The following SLC23A2 variants were observed in gnomAD, a reference collection of about 807,000 sequenced individuals.
SLC23A2 encodes solute carrier family 23 member 2.
SLC23A2 carries 36 observed loss-of-function variants against 73.3 expected under a neutral mutation model. The ratio of observed to expected loss-of-function variants is 0.49; its 90% CI spans 0.38 to 0.65. SLC23A2 has a LOEUF of 0.65. Ranked by LOEUF, SLC23A2 falls within the 30% of genes least tolerant of loss-of-function variation. The pLI, the probability that SLC23A2 is intolerant of heterozygous loss-of-function variation, is 0.00. For synonymous variants in SLC23A2, 343 were observed against 327.3 expected, an observed-to-expected ratio of 1.05 and a Z score of -0.52; for missense variants, 507 against 841.6, an observed-to-expected ratio of 0.60 and a Z score of 4.92.
chr20:4,981,902 C>G (rs1279674695), intron 1 of SLC23A2, among the ~76,000 whole-genome samples: 1 of 152,108 alleles, frequency 6.6e-6, no homozygotes, highest in Non-Finnish European at 1.5e-5. Context: ...AGGGCTTCAC[C>G]GTGATAGCCA....
intron 2 of SLC23A2, among the ~76,000 whole-genome samples, chr20:4,943,938 T>C (rs905332213): frequency 6.6e-6 from 1 of 152,098 alleles, no homozygotes; most frequent in Admixed American, 6.6e-5. Flanking sequence ...GCAGTCTGAT[T>C]CTCAAAAGAC....
At chr20:4,996,094 T>C (rs1473266901) in intron 1 of SLC23A2, among the ~76,000 whole-genome samples, 1 of 152,094 alleles carries the variant, frequency 6.6e-6, no homozygotes, top group Non-Finnish European at 1.5e-5. Flanking sequence ...GGACTAGCAA[T>C]AATAACCTAA....
At chr20:4,910,250 G>A (rs1027822900) in intron 4 of SLC23A2, among the ~76,000 whole-genome samples, 41 of 151,912 alleles carry the variant, frequency 2.7e-4, no homozygotes, top group Admixed American at 9.2e-4. Flanking sequence ...GATGGCGTGC[G>A]CCTCTGGTCC....
At chr20:4,891,876 G>A (rs1227534931) in intron 6 of SLC23A2, among the ~76,000 whole-genome samples, 5 of 151,986 alleles carry the variant, frequency 3.3e-5, no homozygotes, top group East Asian at 1.9e-4. Flanking sequence ...TCAGCCTCCC[G>A]AGAAGCTGGG....
In SLC23A2 at chr20:4,898,144, T is replaced by C. The variant is rs533942747; in HGVS notation, c.482+1411A>G. On this transcript the variant is annotated intron_variant, in intron 6 of 16. Transcript: ENST00000338244. ...ACATCTCCTTCCCCTAGTCGGTCAG[T>C]GATATCCCTGCCCTGCCCCCTGGGG... is the stretch of plus-strand genomic sequence containing the variant. 4.9e-4 allele frequency among the ~76,000 whole-genome samples: 75 copies of C among 152,318 alleles called. 1 individual carries two copies. The East Asian group carries it at 9.1e-3, about 18-fold the overall frequency.
intron 6 of SLC23A2, among the ~76,000 whole-genome samples, chr20:4,889,339 G>A (rs529811101): frequency 6.6e-6 from 1 of 152,170 alleles, no homozygotes; most frequent in Non-Finnish European, 1.5e-5. Flanking sequence ...CCACTTGAGC[G>A]AAAGCACAGG....
intron 1 of SLC23A2, among the ~76,000 whole-genome samples, chr20:4,993,128 CA>C (rs1313857139): frequency 9.2e-5 from 14 of 151,492 alleles, no homozygotes; most frequent in African/African-American, 3.4e-4. Context: ...AACACACACA[CA>C]AAAAATTAGC....
At chr20:4,893,070 CT>C (rs370260947) in intron 6 of SLC23A2, among the ~76,000 whole-genome samples, 300 of 143,286 alleles carry the variant, frequency 2.1e-3, no homozygotes, top group African/African-American at 4.5e-3. Context: ...TGCAACTTTA[CT>C]TTTTTTTTTT....
At chr20:4,887,712 G>A (rs1030249000) in intron 6 of SLC23A2, among the ~76,000 whole-genome samples, 7 of 152,232 alleles carry the variant, frequency 4.6e-5, no homozygotes, top group Admixed American at 6.5e-5. Context: ...AATAGATGAC[G>A]ATAGAAAAAG....
intron 2 of SLC23A2, among the ~76,000 whole-genome samples, chr20:4,943,164 G>C (rs1191305842): frequency 6.6e-6 from 1 of 151,612 alleles, no homozygotes; most frequent in African/African-American, 2.4e-5. Flanking sequence ...GGAGAAGATA[G>C]ATGTTCCATA....
At chr20:4,983,462 C>A (rs573237908) in intron 1 of SLC23A2, among the ~76,000 whole-genome samples, 1 of 148,836 alleles carries the variant, frequency 6.7e-6, no homozygotes, top group Non-Finnish European at 1.5e-5. Flanking sequence ...CTGGCCAACA[C>A]GGTGAAACCC....
intron 1 of SLC23A2, among the ~76,000 whole-genome samples, chr20:4,976,772 G>C (rs1230655317): frequency 6.6e-6 from 1 of 152,040 alleles, no homozygotes; most frequent in Non-Finnish European, 1.5e-5. Context: ...AAGAGATCGA[G>C]ACTATCCTGG....
At chr20:5,000,754 TC>T (rs2088106091) in intron 1 of SLC23A2, among the ~76,000 whole-genome samples, 2 of 152,060 alleles carry the variant, frequency 1.3e-5, no homozygotes, top group African/African-American at 4.8e-5. Context: ...CTTAAAGTAG[TC>T]ACACTCGAAA....
chr20:5,007,453 C>G (rs2088203460), intron 1 of SLC23A2, among the ~76,000 whole-genome samples: 2 of 152,140 alleles, frequency 1.3e-5, no homozygotes, highest in African/African-American at 4.8e-5. Context: ...ATCACTTGAA[C>G]CTGGGAGGCA....
chr20:4,903,847 G>A (rs1027346759), intron 4 of SLC23A2, among the ~76,000 whole-genome samples: 2 of 152,318 alleles, frequency 1.3e-5, no homozygotes, highest in African/African-American at 2.4e-5. Flanking sequence ...GAAAAAGTAC[G>A]TATGTGTCTG....
intron 1 of SLC23A2, among the ~76,000 whole-genome samples, chr20:4,985,726 G>A (rs1309575517): frequency 6.6e-6 from 1 of 152,174 alleles, no homozygotes. Flanking sequence ...GGGATTACAG[G>A]CATGAGCCAC....
At chr20:4,861,807 G>A in intron 15 of SLC23A2, 141 bp downstream of exon 15, 1 of 817,824 alleles carries the variant, frequency 1.2e-6, no homozygotes, top group Non-Finnish European at 2.0e-6. Context: ...ATTGAAAAGT[G>A]AGATTCAAGA....
intron 2 of SLC23A2, among the ~76,000 whole-genome samples, chr20:4,957,903 A>AC (rs1329181378): frequency 7.6e-4 from 115 of 151,454 alleles, no homozygotes; most frequent in African/African-American, 2.6e-3. Flanking sequence ...TCCATCTCAA[A>AC]AAAAAAAAAA....
intron 6 of SLC23A2, among the ~76,000 whole-genome samples, chr20:4,898,309 A>C (rs1931623472): frequency 6.6e-6 from 1 of 152,214 alleles, no homozygotes; most frequent in South Asian, 2.1e-4. Flanking sequence ...GCAGACCTGC[A>C]GCCTACCCTC....
Sources: allele counts gnomAD v4.1 joint callset (sites outside exome capture counted in the v4.1 genomes callset), GRCh38; gene constraint gnomAD v4.1.1; transcripts MANE v1.5; gene names NCBI Gene and HGNC (gene_info 2026-07-23, HGNC 2026-07-21).